Variants in FOXK2 observed in about 807,000 individuals in gnomAD.
FOXK2 encodes the protein forkhead box protein K2.
A neutral mutation model predicts 53.3 loss-of-function variants in FOXK2; 24 were observed. That is an observed-to-expected ratio of 0.45 (90% CI 0.33 to 0.63). FOXK2 has a LOEUF of 0.63. FOXK2 is among the 30% of genes least tolerant of loss of function. FOXK2 has a pLI of 0.03. For synonymous variants in FOXK2, 505 were observed against 407.1 expected, an observed-to-expected ratio of 1.24 and a Z score of -2.89; for missense variants, 952 against 910.5, an observed-to-expected ratio of 1.05 and a Z score of -0.59.
At chr17:82,567,580 C>T (rs560112320) in intron 2 of FOXK2, among the ~76,000 whole-genome samples, 44 of 152,324 alleles carry the variant, frequency 2.9e-4, no homozygotes, top group Middle Eastern at 3.4e-3. Context: ...CCGCTTGCTC[C>T]ACTTCAGCTC....
rs147079088 is a variant in FOXK2 at position 82,585,995 on chromosome 17, A to C, written c.1371A>C (p.Pro457=). Residue 457 remains proline (P), a synonymous_variant, in exon 7 of 9, where the codon CCA becomes CCC. Coordinates refer to ENST00000335255, the MANE Select transcript of FOXK2 (RefSeq NM_004514.4). ...CTGTCACCTACACTGTGGCCACCCCAGTGACCACCTCGACCTCCCAGCCAC... is the reference window on the plus strand; with the variant it reads ...CTGTCACCTACACTGTGGCCACCCCCGTGACCACCTCGACCTCCCAGCCAC... ...IKPVTYTVAT[P]VTTSTSQPPV... is the part of the protein sequence containing the mutation. 2 of 1,612,722 alleles carry C rather than the reference A, an allele frequency of 1.2e-6. No homozygotes were observed. Among genetic ancestry groups the C allele is most frequent in the African/African-American group, 2.7e-5 (2 of 75,042 alleles).
intron 8 of FOXK2, among the ~76,000 whole-genome samples, chr17:82,587,758 G>A (rs374538962): frequency 4.6e-5 from 7 of 152,308 alleles, no homozygotes; most frequent in South Asian, 2.1e-4. Context: ...GAACCTCCGC[G>A]CCGACACCGG....
intron 1 of FOXK2, among the ~76,000 whole-genome samples, chr17:82,523,808 T>C (rs146841262): frequency 0.013 from 1,982 of 152,142 alleles, 18 homozygotes; most frequent in South Asian, 0.043. Context: ...TTAAGCTCAG[T>C]GTTCAGGTTG....
rs114702951 is a variant in FOXK2, at chr17:82,544,510, G to A, written c.420-18844G>A. 1.2e-3 allele frequency among the ~76,000 whole-genome samples: 182 copies of A among 152,264 alleles called. 1 individual carries two copies. The highest frequency in any genetic ancestry group is 4.2e-3 in the African/African-American group (174 of 41,558). On this transcript the variant is annotated intron_variant, in intron 1 of 8. Coordinates refer to ENST00000335255, the MANE Select transcript of FOXK2 (RefSeq NM_004514.4). ...CTGGATTTTACAACAGTAGCACAGCGTGTGTACTGGGTATGATTTCTTATT... is the reference window on the plus strand; with the variant it reads ...CTGGATTTTACAACAGTAGCACAGCATGTGTACTGGGTATGATTTCTTATT...
Position 82,587,205 on chromosome 17 carries a change from A to C in FOXK2, c.1719A>C (p.Lys573Asn), listed in dbSNP as rs771111874. 4 of 1,613,070 alleles carry C rather than the reference A, an allele frequency of 2.5e-6. No homozygotes were observed. In the Admixed American group the frequency reaches 6.7e-5, roughly 27 times the overall value. The change falls in exon 8 of 9, where the codon AAA (lysine) becomes AAC (asparagine). Residue 573 changes from lysine to asparagine, a missense_variant. Transcript: ENST00000335255. ...TAGGTCAACACCAGCTACCAATAAA[A>C]ACTGTAACACAAAACGGCACTCACG... is the stretch of plus-strand genomic sequence containing the variant. ...APLGQHQLPI[K>N]TVTQNGTHVA...
At chr17:82,557,632 A>G (rs1299708298) in intron 1 of FOXK2, among the ~76,000 whole-genome samples, 1 of 152,080 alleles carries the variant, frequency 6.6e-6, no homozygotes. Flanking sequence ...GGTGTGAGCC[A>G]CTGTGTCCGG....
intron 8 of FOXK2, among the ~76,000 whole-genome samples, chr17:82,590,419 G>A (rs1268183702): frequency 1.3e-5 from 2 of 152,158 alleles, no homozygotes; most frequent in East Asian, 3.8e-4. Context: ...GCCTCCCAAC[G>A]TGCTGAGATG....
At chr17:82,535,768 A>C (rs2044514948) in intron 1 of FOXK2, among the ~76,000 whole-genome samples, 1 of 126,806 alleles carries the variant, frequency 7.9e-6, no homozygotes, top group East Asian at 2.3e-4. Flanking sequence ...TTTTTTTGAG[A>C]TGGAGTTTCA....
rs572639784 is a variant in FOXK2 at position 82,563,553 on chromosome 17, G to A, written c.614+5G>A. 34 of 1,611,098 alleles carry A rather than the reference G, an allele frequency of 2.1e-5. No homozygotes were observed. The highest frequency in any genetic ancestry group is 2.7e-5 in the Non-Finnish European group (32 of 1,178,256). On this transcript the variant is annotated splice_donor_5th_base_variant and intron_variant, in intron 2 of 8. Transcript: ENST00000335255. ...CTCCCCCACGGGAACCATCAGGTGC[G>A]GCCATGGGGATGGGGGACTGGAGCA...
chr17:82,533,596 T>C (rs2044492936), intron 1 of FOXK2, among the ~76,000 whole-genome samples: 1 of 152,202 alleles, frequency 6.6e-6, no homozygotes, highest in Admixed American at 6.5e-5. Context: ...TTCATACGGC[T>C]GTTCGCGTAG....
Position 82,585,926 on chromosome 17 carries a change from A to G in FOXK2, c.1302A>G (p.Pro434=). Residue 434 remains proline, a synonymous_variant, in exon 7 of 9, where the codon CCA becomes CCG. Coordinates refer to ENST00000335255, the MANE Select transcript of FOXK2 (RefSeq NM_004514.4). Reference sequence around the variant, plus strand: ...CAGGGTCACCTCTGTCCAGTCAGCCAGTCTTAATCACCGTCCAGCGGCAGC... The same window carrying G: ...CAGGGTCACCTCTGTCCAGTCAGCCGGTCTTAATCACCGTCCAGCGGCAGC... The part of the protein sequence containing the change: ...SAPGSPLSSQ[P]VLITVQRQLP... 5 of 1,611,568 alleles carry G rather than the reference A, an allele frequency of 3.1e-6. No individual in the cohort carries two copies. Among genetic ancestry groups the G allele is most frequent in the Non-Finnish European group, 4.2e-6 (5 of 1,178,918 alleles).
At chr17:82,585,061 C>T (rs1056382159) in intron 6 of FOXK2, among the ~76,000 whole-genome samples, 15 of 152,240 alleles carry the variant, frequency 9.9e-5, no homozygotes, top group Middle Eastern at 3.2e-3. Flanking sequence ...TGCCCACTGG[C>T]GGTGGCCCCT....
intron 8 of FOXK2, 48 bp downstream of exon 8, chr17:82,587,320 C>CTCT: frequency 7.0e-7 from 1 of 1,419,788 alleles, no homozygotes; most frequent in African/African-American, 1.4e-5. Flanking sequence ...GTACTGGGAG[C>CTCT]AGAGCCCCTT....
At chr17:82,544,257 T>C (rs1485070151) in intron 1 of FOXK2, among the ~76,000 whole-genome samples, 1 of 152,234 alleles carries the variant, frequency 6.6e-6, no homozygotes, top group Non-Finnish European at 1.5e-5. Context: ...TTTTATGCCA[T>C]GTGCATTTAT....
At position 82,589,219 on chromosome 17, in the gene FOXK2, A is replaced by G. The variant is rs573889866; in HGVS notation, c.1786+1947A>G. On this transcript the variant is annotated intron_variant, in intron 8 of 8. Transcript: ENST00000335255. ...TTCAGTGTACTACTGGACTCCAAAT[A>G]CAGACATCATGAGATGTCCACTTGC... Among the ~76,000 whole-genome samples, 20 of 152,334 alleles carry G rather than the reference A, an allele frequency of 1.3e-4. 1 individual carries two copies. The South Asian group carries it at 4.1e-3, about 32-fold the overall frequency.
chr17:82,536,156 G>C (rs2044518656), intron 1 of FOXK2, among the ~76,000 whole-genome samples: 1 of 152,182 alleles, frequency 6.6e-6, no homozygotes, highest in Non-Finnish European at 1.5e-5. Flanking sequence ...GGGATTACAG[G>C]TGTGAGCTAC....
chr17:82,525,551 C>G (rs549411203), intron 1 of FOXK2, among the ~76,000 whole-genome samples: 1 of 152,196 alleles, frequency 6.6e-6, no homozygotes, highest in East Asian at 1.9e-4. Flanking sequence ...TTAGGAAGAT[C>G]AATTGGACAG....
intron 4 of FOXK2, 58 bp from the exon 5 acceptor site, chr17:82,582,683 A>T: frequency 7.0e-7 from 1 of 1,431,292 alleles, no homozygotes; most frequent in Non-Finnish European, 9.4e-7. Context: ...ACGAGGACAC[A>T]TTTTTATTTC....
chr17:82,533,633 C>G (rs142376399), intron 1 of FOXK2, among the ~76,000 whole-genome samples: 1 of 152,174 alleles, frequency 6.6e-6, no homozygotes, highest in African/African-American at 2.4e-5. Flanking sequence ...AGCATCACCC[C>G]AGACTCATGA....
Sources: gnomAD v4.1 joint callset for allele counts (sites outside exome capture counted in the v4.1 genomes callset) on GRCh38, gnomAD v4.1.1 for gene constraint, MANE v1.5 for transcripts, NCBI Gene and HGNC (gene_info 2026-07-23, HGNC 2026-07-21) for gene names.